The following NFIA variants were observed in gnomAD, a reference collection of about 807,000 sequenced individuals.
The protein encoded by NFIA is nuclear factor I A, also known as nuclear factor 1 A-type.
In NFIA, 8 loss-of-function variants were observed where a neutral mutation model predicts 62.8. The ratio of observed to expected loss-of-function variants is 0.13; its 90% CI spans 0.07 to 0.23. The LOEUF is 0.23. Among genes scored for constraint, NFIA ranks in the 10% least tolerant of loss-of-function variants. NFIA has a pLI of 1.00. For missense variants in NFIA, 410 were observed against 642.1 expected (o/e 0.64, Z 3.91); for synonymous variants, 235 against 238.1 (o/e 0.99, Z 0.12).
At chr1:61,395,696 G>A (rs1015843885) in intron 7 of NFIA, among the ~76,000 whole-genome samples, 4 of 152,088 alleles carry the variant, frequency 2.6e-5, no homozygotes, top group African/African-American at 9.7e-5. Context: ...TTTCACATCA[G>A]CCATCATGGA....
intron 2 of NFIA, among the ~76,000 whole-genome samples, chr1:61,096,810 C>G (rs990071206): frequency 6.6e-6 from 1 of 151,918 alleles, no homozygotes; most frequent in African/African-American, 2.4e-5. Context: ...CTCGGCCTCT[C>G]AAAATGCTGG....
chr1:61,140,577 A>G (rs74473835), intron 2 of NFIA, among the ~76,000 whole-genome samples: 3,489 of 152,066 alleles, frequency 0.023, 74 homozygotes, highest in Middle Eastern at 0.058. Flanking sequence ...GAAAAATTCT[A>G]TTTATAAAAT....
chr1:61,411,384 G>A (rs1191698890), intron 9 of NFIA, among the ~76,000 whole-genome samples: 1 of 152,166 alleles, frequency 6.6e-6, no homozygotes, highest in East Asian at 1.9e-4. Context: ...AAGATTGATA[G>A]ACTGTGCCAG....
chr1:61,257,364 G>A lies in NFIA; in HGVS notation c.560-20156G>A, dbSNP rs530988305. 3.8e-5 allele frequency among the ~76,000 whole-genome samples: 4 copies of A among 106,282 alleles called. No homozygotes were observed. In the East Asian group the frequency reaches 1.4e-3, roughly 36 times the overall value. The allele number at this position is 106,282 out of a possible 152,430, so 69.7% of individuals were successfully genotyped here. A position where few individuals can be genotyped will look rare whatever the true frequency, so the allele number is the denominator to read the frequency against. On this transcript the variant is annotated intron_variant, in intron 2 of 10. Transcript: ENST00000403491. Reference sequence around the variant, plus strand: ...TTTTTTTTTTTTTTTTTGAGACAGAGTCTCCCTCTGTCACCCAGGCTGGAG... The same window carrying A: ...TTTTTTTTTTTTTTTTTGAGACAGAATCTCCCTCTGTCACCCAGGCTGGAG...
At chr1:61,342,378 A>C (rs6704173) in intron 4 of NFIA, among the ~76,000 whole-genome samples, 14,572 of 152,148 alleles carry the variant, frequency 0.096, 845 homozygotes, top group Middle Eastern at 0.17. Flanking sequence ...TAGGCCATCA[A>C]ATCCCATCCC....
At chr1:61,274,983 T>C (rs1369021524) in intron 2 of NFIA, among the ~76,000 whole-genome samples, 1 of 152,232 alleles carries the variant, frequency 6.6e-6, no homozygotes, top group Non-Finnish European at 1.5e-5. Context: ...TGAGATCATA[T>C]GCATTTTCTT....
At chr1:61,321,759 T>TCTG (rs1297577063) in intron 3 of NFIA, among the ~76,000 whole-genome samples, 2 of 152,148 alleles carry the variant, frequency 1.3e-5, no homozygotes, top group African/African-American at 4.8e-5. Flanking sequence ...ATGCCATGGA[T>TCTG]CTGATATTTG....
chr1:61,219,574 C>T (rs1016695056), intron 2 of NFIA, among the ~76,000 whole-genome samples: 3 of 151,374 alleles, frequency 2.0e-5, no homozygotes, highest in African/African-American at 4.9e-5. Context: ...ATTAGCCGGG[C>T]GTGGTGGCGG....
rs56299869 is a variant in NFIA at position 61,177,653 on chromosome 1, TTGTGTGTGTGTG to T, written c.559+88995_559+89006del. Reference sequence around the variant, plus strand: ...GTTTATAGTAAGAATGTTTTCTCTATTGTGTGTGTGTGTGTGTGTGTGTGTGTGTGTGTTGGA... The same window carrying T: ...GTTTATAGTAAGAATGTTTTCTCTATTGTGTGTGTGTGTGTGTGTGTTGGA... On this transcript the variant is annotated intron_variant, in intron 2 of 10. Transcript: ENST00000403491. 3.6e-4 allele frequency among the ~76,000 whole-genome samples: 52 copies of T among 146,162 alleles called. No individual in the cohort carries two copies. In the East Asian group the frequency reaches 6.0e-3, roughly 17 times the overall value.
chr1:61,284,290 T>C (rs759304582), intron 3 of NFIA, among the ~76,000 whole-genome samples: 1 of 152,232 alleles, frequency 6.6e-6, no homozygotes, highest in Non-Finnish European at 1.5e-5. Context: ...GTCTCTCTTC[T>C]TTAAGAGATT....
chr1:61,195,328 A>G (rs1198068640), intron 2 of NFIA, among the ~76,000 whole-genome samples: 1 of 152,162 alleles, frequency 6.6e-6, no homozygotes, highest in Non-Finnish European at 1.5e-5. Context: ...TCTTAGCCAT[A>G]TAAGAAAATG....
At chr1:61,147,084 T>G (rs1648065091) in intron 2 of NFIA, among the ~76,000 whole-genome samples, 1 of 152,172 alleles carries the variant, frequency 6.6e-6, no homozygotes, top group Non-Finnish European at 1.5e-5. Flanking sequence ...GCTGTTAATC[T>G]ACCATAAACC....
chr1:61,235,660 A>G (rs989941254), intron 2 of NFIA, among the ~76,000 whole-genome samples: 4 of 150,674 alleles, frequency 2.7e-5, no homozygotes, highest in African/African-American at 9.7e-5. Flanking sequence ...TTTAAAAAAA[A>G]AAAAAAGCTG....
intron 2 of NFIA, among the ~76,000 whole-genome samples, chr1:61,213,993 C>T (rs947880696): frequency 3.3e-5 from 5 of 152,172 alleles, no homozygotes; most frequent in African/African-American, 1.2e-4. Context: ...AACTGTGTGA[C>T]TTAAAAGCTC....
chr1:61,107,565 G>A (rs1646625943), intron 2 of NFIA, among the ~76,000 whole-genome samples: 1 of 151,306 alleles, frequency 6.6e-6, no homozygotes, highest in South Asian at 2.1e-4. Context: ...TATAGATTCT[G>A]CATTCTAATT....
At chr1:61,391,489 G>T (rs546632259) in intron 7 of NFIA, among the ~76,000 whole-genome samples, 1 of 105,472 alleles carries the variant, frequency 9.5e-6, no homozygotes, top group African/African-American at 3.5e-5. Context: ...CACACACACA[G>T]GCAGTTTAGA....
At chr1:61,080,970 C>G (rs532530119), upstream of NFIA, among the ~76,000 whole-genome samples, 121 of 151,652 alleles carry the variant, frequency 8.0e-4, no homozygotes, top group Non-Finnish European at 1.3e-3. Flanking sequence ...ATCACTCACC[C>G]TCACTTGTTA....
chr1:61,255,581 T>C (rs1434525714), intron 2 of NFIA, among the ~76,000 whole-genome samples: 19 of 152,284 alleles, frequency 1.2e-4, no homozygotes, highest in Admixed American at 1.1e-3. Flanking sequence ...GGTAAACTGT[T>C]TGAAATGTGG....
chr1:61,382,600 T>C (rs950409573), intron 6 of NFIA, among the ~76,000 whole-genome samples: 10 of 152,214 alleles, frequency 6.6e-5, no homozygotes, highest in Non-Finnish European at 1.3e-4. Flanking sequence ...TCAATTAACA[T>C]TATATTATAA....
Sources: allele counts gnomAD v4.1 joint callset (sites outside exome capture counted in the v4.1 genomes callset), GRCh38; gene constraint gnomAD v4.1.1; transcripts MANE v1.5; gene names NCBI Gene and HGNC (gene_info 2026-07-23, HGNC 2026-07-21).